COL25A1: variants seen among roughly 807,000 people sequenced by gnomAD.
The protein encoded by COL25A1 is collagen type XXV alpha 1 chain, also known as collagen alpha-1(XXV) chain.
Under a neutral mutation model 128.4 loss-of-function variants are expected in COL25A1, and 103 were observed. The ratio of observed to expected loss-of-function variants is 0.80; its 90% CI spans 0.68 to 0.94. The LOEUF is 0.94. Among genes scored for constraint, COL25A1 ranks in the 40% least tolerant of loss-of-function variants. The probability of loss-of-function intolerance (pLI) is 0.00; values close to 1 mark genes in which losing one functional copy is unlikely to be tolerated. For missense variants in COL25A1, 745 were observed against 840.0 expected, an observed-to-expected ratio of 0.89 and a Z score of 1.40; for synonymous variants, 279 against 277.2, an observed-to-expected ratio of 1.01 and a Z score of -0.06.
At position 109,167,448 on chromosome 4, in the gene COL25A1, A is replaced by C. The variant is rs761608873; in HGVS notation, c.368-117269T>G. On this transcript the variant is annotated intron_variant, in intron 3 of 37. Coordinates refer to ENST00000399132, the MANE Select transcript of COL25A1 (RefSeq NM_198721.4). ...CTATGGCCTCTTGAATGAATGAACA[A>C]TAAGTTTGAGAAATTCTAGGAAAAA... 2.0e-5 allele frequency among the ~76,000 whole-genome samples: 3 copies of C among 152,162 alleles called. 1 individual carries two copies. The highest frequency in any genetic ancestry group is 7.2e-5 in the African/African-American group (3 of 41,446).
intron 3 of COL25A1, among the ~76,000 whole-genome samples, chr4:109,258,587 T>A (rs1359921099): frequency 6.6e-6 from 1 of 152,216 alleles, no homozygotes; most frequent in Non-Finnish European, 1.5e-5. Context: ...AAGTTTATAA[T>A]AAAATAATGC....
intron 3 of COL25A1, among the ~76,000 whole-genome samples, chr4:109,109,563 C>T (rs1039820739): frequency 6.6e-6 from 1 of 152,140 alleles, no homozygotes; most frequent in Non-Finnish European, 1.5e-5. Flanking sequence ...TAACAAGCAG[C>T]TGTTACCTAA....
At chr4:109,113,788 T>C (rs950753884) in intron 3 of COL25A1, among the ~76,000 whole-genome samples, 2 of 152,076 alleles carry the variant, frequency 1.3e-5, no homozygotes, top group Non-Finnish European at 2.9e-5. Flanking sequence ...AAAGGCAACA[T>C]ATGTAGTACA....
intron 3 of COL25A1, among the ~76,000 whole-genome samples, chr4:109,118,780 T>C (rs1767842524): frequency 6.6e-6 from 1 of 151,966 alleles, no homozygotes. Context: ...ATTATTACAG[T>C]TGGACACTTA....
rs551422603 is a variant in COL25A1, at chr4:109,101,715, A to G, written c.368-51536T>C. Among the ~76,000 whole-genome samples the G allele has an allele frequency of 1.3e-3, 194 of 152,216 alleles. 1 individual carries two copies. Among genetic ancestry groups the G allele is most frequent in the African/African-American group, 4.4e-3 (181 of 41,542 alleles). On this transcript the variant is annotated intron_variant, in intron 3 of 37. Coordinates refer to ENST00000399132, the MANE Select transcript of COL25A1 (RefSeq NM_198721.4). ...ATTCCATATGTTTATTATCTCTTTCATGAAATGCTCTCCACTCAGCATGGA... is the reference window on the plus strand; with the variant it reads ...ATTCCATATGTTTATTATCTCTTTCGTGAAATGCTCTCCACTCAGCATGGA...
chr4:109,218,440 T>C (rs867663729), intron 3 of COL25A1, among the ~76,000 whole-genome samples: 9 of 141,832 alleles, frequency 6.3e-5, no homozygotes, highest in Non-Finnish European at 1.2e-4. Flanking sequence ...CCATGAAAGT[T>C]TTAAACTCTA....
intron 3 of COL25A1, among the ~76,000 whole-genome samples, chr4:109,173,660 C>G (rs1334088578): frequency 6.6e-6 from 1 of 151,986 alleles, no homozygotes; most frequent in African/African-American, 2.4e-5. Context: ...TACAGAAATT[C>G]TCACAGAATA....
chr4:109,290,749 A>G (rs891188922), intron 3 of COL25A1, among the ~76,000 whole-genome samples: 6 of 152,070 alleles, frequency 3.9e-5, no homozygotes, highest in African/African-American at 1.4e-4. Flanking sequence ...AACATTAATG[A>G]TAGCCAATGA....
chr4:108,844,572 G>C lies in COL25A1; in HGVS notation c.1579-3C>G. 6.2e-7 allele frequency: 1 copy of C among 1,607,718 alleles called. No homozygotes were observed. Among genetic ancestry groups the C allele is most frequent in the Non-Finnish European group, 8.5e-7 (1 of 1,178,358 alleles). ...GGTGGGCCTGGTGGGCCTATGATCT[G>C]TATGTCCAAAAAATAAAAATGTATT... On this transcript the variant is annotated splice_region_variant and splice_polypyrimidine_tract_variant and intron_variant, in intron 29 of 37. Coordinates refer to ENST00000399132, the MANE Select transcript of COL25A1 (RefSeq NM_198721.4).
intron 3 of COL25A1, among the ~76,000 whole-genome samples, chr4:109,083,220 T>A (rs1324071086): frequency 2.0e-5 from 3 of 152,044 alleles, no homozygotes; most frequent in Non-Finnish European, 1.5e-5. Flanking sequence ...ATAATAGTGA[T>A]CAATGTGATT....
chr4:109,138,015 T>TGTGTG (rs1560752663), intron 3 of COL25A1, among the ~76,000 whole-genome samples: 1 of 151,430 alleles, frequency 6.6e-6, no homozygotes, highest in Admixed American at 6.6e-5. Context: ...TGTGTGTGTG[T>TGTGTG]TGGGATACAT....
At chr4:109,205,588 C>G (rs1267221995) in intron 3 of COL25A1, among the ~76,000 whole-genome samples, 2 of 152,096 alleles carry the variant, frequency 1.3e-5, no homozygotes, top group African/African-American at 2.4e-5. Flanking sequence ...ACATTAGGAT[C>G]CTGGGTTCCT....
intron 3 of COL25A1, among the ~76,000 whole-genome samples, chr4:109,221,226 A>G (rs1026204467): frequency 1.3e-5 from 2 of 149,110 alleles, no homozygotes; most frequent in East Asian, 3.9e-4. Context: ...TCTACAGCAA[A>G]AAAAGCCCTA....
chr4:109,245,752 T>G (rs1780214193), intron 3 of COL25A1, among the ~76,000 whole-genome samples: 1 of 152,046 alleles, frequency 6.6e-6, no homozygotes, highest in Admixed American at 6.6e-5. Flanking sequence ...AAGTCCTATG[T>G]CAAGAATCAT....
At chr4:108,823,854 T>C in intron 35 of COL25A1, 3 of 1,293,676 alleles carry the variant, frequency 2.3e-6, no homozygotes, top group South Asian at 3.5e-5. Context: ...TTTGTGTCAT[T>C]TAATTTTACT....
intron 8 of COL25A1, among the ~76,000 whole-genome samples, chr4:108,954,257 A>C (rs887171574): frequency 6.6e-6 from 1 of 152,088 alleles, no homozygotes; most frequent in Non-Finnish European, 1.5e-5. Flanking sequence ...GAATGATATA[A>C]ATATTGAAAA....
rs1773297222 is a variant in COL25A1, at chr4:109,168,687, G to T, written c.368-118508C>A. On this transcript the variant is annotated intron_variant, in intron 3 of 37. Transcript: ENST00000399132. ...TGTCCTTGCAGAGGTGCTCTTTCAGGGCCATGCCAAAAGTTTAATCTGGAA... is the reference window on the plus strand; with the variant it reads ...TGTCCTTGCAGAGGTGCTCTTTCAGTGCCATGCCAAAAGTTTAATCTGGAA... Among the ~76,000 whole-genome samples, 3 of 151,946 alleles carry T rather than the reference G, an allele frequency of 2.0e-5. No individual in the cohort carries two copies. The South Asian group carries it at 6.2e-4, about 32-fold the overall frequency.
intron 3 of COL25A1, among the ~76,000 whole-genome samples, chr4:109,147,310 C>T (rs887701216): frequency 5.3e-5 from 8 of 152,198 alleles, no homozygotes; most frequent in African/African-American, 1.7e-4. Flanking sequence ...TGGGCTTCCC[C>T]ATCAACCACC....
At position 109,250,369 on chromosome 4, in the gene COL25A1, T is replaced by TACACACACACAC. The variant is rs61574026; in HGVS notation, c.367+50202_367+50213dup. 2.0e-3 allele frequency among the ~76,000 whole-genome samples: 275 copies of TACACACACACAC among 134,952 alleles called. 9 individuals are homozygous for TACACACACACAC. The highest frequency in any genetic ancestry group is 6.0e-3 in the African/African-American group (201 of 33,310). The allele number at this position is 134,952 out of a possible 152,430, so 88.5% of individuals were successfully genotyped here. ...CCAGAGAAATTGAACAAGTAGGAGA[T>TACACACACACAC]ACACACACACACACACACACACACA... On this transcript the variant is annotated intron_variant, in intron 3 of 37. Coordinates refer to ENST00000399132, the MANE Select transcript of COL25A1 (RefSeq NM_198721.4).
Sources: gnomAD v4.1 joint callset for allele counts (sites outside exome capture counted in the v4.1 genomes callset) on GRCh38, gnomAD v4.1.1 for gene constraint, MANE v1.5 for transcripts, NCBI Gene and HGNC (gene_info 2026-07-23, HGNC 2026-07-21) for gene names.